LRRC8A: variants seen among roughly 807,000 people sequenced by gnomAD.
The protein encoded by LRRC8A is leucine rich repeat containing 8 VRAC subunit A.
Under a neutral mutation model 52.5 loss-of-function variants are expected in LRRC8A, and 24 were observed. The ratio of observed to expected loss-of-function variants is 0.46; its 90% CI spans 0.33 to 0.64. The LOEUF (loss-of-function observed/expected upper bound fraction) is 0.64. LRRC8A is among the 30% of genes least tolerant of loss of function. The pLI is 0.02. For missense variants in LRRC8A, 677 were observed against 1,094.7 expected, an observed-to-expected ratio of 0.62 and a Z score of 5.38; for synonymous variants, 492 against 494.2, an observed-to-expected ratio of 1.00 and a Z score of 0.06.
Position 128,907,131 on chromosome 9 carries a change from AC to A in LRRC8A, c.-8-20del, listed in dbSNP as rs759080682. ...AGGAAAGCCAGGCCACCCTGTGCTA[AC>A]CCCCCTCCTATGGCTCCCTTTTAGG... is the stretch of plus-strand genomic sequence containing the variant. On this transcript the variant is annotated intron_variant, in intron 2 of 3. Coordinates refer to ENST00000372600, the MANE Select transcript of LRRC8A (RefSeq NM_019594.4). This position sits in a 1 kb window ranked among gnomAD's most constrained non-coding sequence, Gnocchi z 9.3. The A allele has an allele frequency of 1.9e-6, 3 of 1,572,908 alleles. No individual in the cohort carries two copies. The highest frequency in any genetic ancestry group is 1.1e-5 in the South Asian group (1 of 87,552).
At position 128,908,355 on chromosome 9, in the gene LRRC8A, G is replaced by C; in HGVS notation, c.1191G>C (p.Val397=). The change falls in exon 3 of 4, where the codon GTG becomes GTC. Residue 397 remains valine, a synonymous_variant. Transcript: ENST00000372600. ...SKRFAVFLSE[V]SENKLRQLNL... ...GCTTCGCCGTCTTCCTGTCGGAGGT[G>C]AGTGAGAACAAGCTGCGGCAGCTGA... The C allele has an allele frequency of 6.2e-7, 1 of 1,614,068 alleles. No individual in the cohort carries two copies. The highest frequency in any genetic ancestry group is 8.5e-7 in the Non-Finnish European group (1 of 1,180,044).
At position 128,908,032 on chromosome 9, in the gene LRRC8A, A is replaced by C; in HGVS notation, c.868A>C (p.Lys290Gln). ...CYTVYYVHNIKFDVDCTVDIE... is the reference protein window; with the variant it reads ...CYTVYYVHNIQFDVDCTVDIE... ...CACCGTCTACTACGTGCACAACATC[A>C]AGTTCGACGTGGACTGCACCGTGGA... The change falls in exon 3 of 4, where the codon AAG becomes CAG. Residue 290 changes from lysine (K) to glutamine (Q), a missense_variant. By Grantham distance (53) the Lys-to-Gln change is moderately conservative (BLOSUM62 1). Coordinates refer to ENST00000372600, the MANE Select transcript of LRRC8A (RefSeq NM_019594.4). 1 of 1,613,932 alleles carries C rather than the reference A, an allele frequency of 6.2e-7. No individual in the cohort carries two copies.
chr9:128,915,981 G>A lies in LRRC8A; in HGVS notation c.2158-115G>A. The A allele has an allele frequency of 3.1e-6, 4 of 1,287,826 alleles. 2 individuals carry two copies. The Admixed American group carries it at 8.8e-5, about 28-fold the overall frequency. The allele number at this position is 1,287,826 out of a possible 1,614,324, so 79.8% of individuals were successfully genotyped here. The stretch of plus-strand genomic sequence containing the variant: ...TTTGGCCCAGATTGTGCTGATGCTG[G>A]GGGCCTGGGGATCAGAAAAGATGCT... On this transcript the variant is annotated intron_variant, in intron 3 of 3. Coordinates refer to ENST00000372600, the MANE Select transcript of LRRC8A (RefSeq NM_019594.4).
intron 2 of LRRC8A, among the ~76,000 whole-genome samples, chr9:128,903,848 C>T (rs1840128757): frequency 6.6e-6 from 1 of 151,962 alleles, no homozygotes; most frequent in South Asian, 2.1e-4. Context: ...GCCAACATGG[C>T]AAAACACCGT....
intron 2 of LRRC8A, among the ~76,000 whole-genome samples, chr9:128,897,118 C>T (rs998424356): frequency 1.3e-5 from 2 of 152,122 alleles, no homozygotes; most frequent in South Asian, 2.1e-4. Context: ...TTATGTCTTT[C>T]GATGTATGCT....
intron 3 of LRRC8A, among the ~76,000 whole-genome samples, chr9:128,914,052 A>G (rs1296365162): frequency 6.6e-6 from 1 of 152,090 alleles, no homozygotes; most frequent in Non-Finnish European, 1.5e-5. Context: ...AAACAATACA[A>G]AAATTAGCCG....
Position 128,907,460 on chromosome 9 carries a change from A to G in LRRC8A, c.296A>G (p.Tyr99Cys). Residue 99 changes from tyrosine (Y) to cysteine (C), a missense_variant, in exon 3 of 4, where the codon TAT becomes TGT. Physicochemically the swap from Tyr to Cys is radical, Grantham distance 194. This residue lies in a region of LRRC8A where 54 missense variants were observed against 49.7 expected (regional missense o/e 1.09). Coordinates refer to ENST00000372600, the MANE Select transcript of LRRC8A (RefSeq NM_019594.4). This position sits in a 1 kb window ranked among gnomAD's most constrained non-coding sequence, Gnocchi z 9.3. ...TPDTGPTGIK[Y>C]DLDRHQYNYV... Reference sequence around the variant, plus strand: ...GACACGGGCCCCACAGGCATCAAGTATGACCTGGACCGGCACCAGTACAAC... The same window carrying G: ...GACACGGGCCCCACAGGCATCAAGTGTGACCTGGACCGGCACCAGTACAAC... The G allele has an allele frequency of 6.2e-7, 1 of 1,613,890 alleles. No individual in the cohort carries two copies. Among genetic ancestry groups the G allele is most frequent in the Non-Finnish European group, 8.5e-7 (1 of 1,180,024 alleles).
chr9:128,908,262 C>T lies in LRRC8A; in HGVS notation c.1098C>T (p.Pro366=), dbSNP rs781527051. ...AGGAGAGCAGCTACAGCGACATCCC[C>T]GACGTCAAGAACGACTTCGCCTTCA... The part of the protein sequence containing the change: ...IREESSYSDI[P]DVKNDFAFML... The change falls in exon 3 of 4, where the codon CCC becomes CCT. Residue 366 remains proline (P), a synonymous_variant. Transcript: ENST00000372600. 1.9e-5 allele frequency: 31 copies of T among 1,614,008 alleles called. No individual in the cohort carries two copies. The highest frequency in any genetic ancestry group is 1.0e-4 in the Admixed American group (6 of 59,986).
intron 3 of LRRC8A, among the ~76,000 whole-genome samples, chr9:128,910,471 T>C (rs1225696573): frequency 6.6e-6 from 1 of 152,222 alleles, no homozygotes; most frequent in East Asian, 1.9e-4. Flanking sequence ...GGTGGGGCGG[T>C]CACTTGAGCT....
In LRRC8A at chr9:128,909,332, C is replaced by T. The variant is rs11999754; in HGVS notation, c.2157+11C>T. ...ATCACGGCCAACCGGGTGAGTGGCCCGGCCACAGCTCTGCGTGTGGGCTGG... is the reference window on the plus strand; with the variant it reads ...ATCACGGCCAACCGGGTGAGTGGCCTGGCCACAGCTCTGCGTGTGGGCTGG... On this transcript the variant is annotated intron_variant, in intron 3 of 3. Transcript: ENST00000372600. 2.8e-3 allele frequency: 4,516 copies of T among 1,609,202 alleles called. 59 individuals carry two copies. In the African/African-American group the frequency reaches 0.042, roughly 15 times the overall value.
At position 128,916,236 on chromosome 9, in the gene LRRC8A, G is replaced by A; in HGVS notation, c.2298G>A (p.Leu766=). ...LTQIELRGNR[L]ECLPVELGEC... Reference sequence around the variant, plus strand: ...AGATCGAGCTGCGGGGCAACCGGCTGGAGTGCCTGCCTGTGGAGCTGGGCG... The same window carrying A: ...AGATCGAGCTGCGGGGCAACCGGCTAGAGTGCCTGCCTGTGGAGCTGGGCG... Residue 766 remains leucine (L), a synonymous_variant, in exon 4 of 4, where the codon CTG becomes CTA. Transcript: ENST00000372600. This position sits in a 1 kb window ranked among gnomAD's most constrained non-coding sequence, Gnocchi z 6.1. 1.2e-6 allele frequency: 2 copies of A among 1,613,782 alleles called. No homozygotes were observed. The highest frequency in any genetic ancestry group is 1.7e-6 in the Non-Finnish European group (2 of 1,179,982).
Position 128,908,721 on chromosome 9 carries a change from G to A in LRRC8A, c.1557G>A (p.Glu519=). ...GGATCTATAGCCTGAAGACACTGGA[G>A]GAGCTGCACCTGACGGGCAACCTGA... is the stretch of plus-strand genomic sequence containing the variant. ...PLWIYSLKTL[E]ELHLTGNLSA... Residue 519 remains glutamate, a synonymous_variant, in exon 3 of 4, where the codon GAG becomes GAA. Transcript: ENST00000372600. The A allele has an allele frequency of 6.2e-7, 1 of 1,613,162 alleles. No homozygotes were observed. The highest frequency in any genetic ancestry group is 1.3e-5 in the African/African-American group (1 of 75,080).
In LRRC8A at chr9:128,907,295, C is replaced by T. The variant is rs746664471; in HGVS notation, c.131C>T (p.Thr44Met). Residue 44 changes from threonine (T) to methionine (M), a missense_variant, in exon 3 of 4, where the codon ACG becomes ATG. Coordinates refer to ENST00000372600, the MANE Select transcript of LRRC8A (RefSeq NM_019594.4). This position sits in a 1 kb window ranked among gnomAD's most constrained non-coding sequence, Gnocchi z 9.3. Reference sequence around the variant, plus strand: ...CTGATGATTGCCGTCTTCGGGGGGACGCTGCAGGTCACCCAAGACAAGATG... The same window carrying T: ...CTGATGATTGCCGTCTTCGGGGGGATGCTGCAGGTCACCCAAGACAAGATG... Reference protein sequence around the residue: ...VMLMIAVFGGTLQVTQDKMIC... With the variant: ...VMLMIAVFGGMLQVTQDKMIC... The T allele has an allele frequency of 1.9e-6, 3 of 1,614,030 alleles. No individual in the cohort carries two copies. The highest frequency in any genetic ancestry group is 1.7e-6 in the Non-Finnish European group (2 of 1,180,028).
intron 1 of LRRC8A, among the ~76,000 whole-genome samples, chr9:128,883,609 T>C (rs764764148): frequency 6.6e-6 from 1 of 152,212 alleles, no homozygotes; most frequent in Non-Finnish European, 1.5e-5. Context: ...TCTGCTTCCT[T>C]GTTTTCCTGG....
intron 2 of LRRC8A, among the ~76,000 whole-genome samples, chr9:128,905,950 G>T (rs895032030): frequency 1.3e-5 from 2 of 152,112 alleles, no homozygotes; most frequent in Non-Finnish European, 2.9e-5. Context: ...TTATACACAC[G>T]CAACCAGAGA....
chr9:128,893,237 G>A (rs1839694858), intron 2 of LRRC8A, among the ~76,000 whole-genome samples: 1 of 152,106 alleles, frequency 6.6e-6, no homozygotes, highest in African/African-American at 2.4e-5. Context: ...GTGGGTCTCT[G>A]AGTGGTCTGG....
chr9:128,903,887 A>T (rs1840130389), intron 2 of LRRC8A, among the ~76,000 whole-genome samples: 1 of 151,960 alleles, frequency 6.6e-6, no homozygotes, highest in Admixed American at 6.5e-5. Context: ...AATTAGCTGG[A>T]TGTGGTGGCG....
Position 128,908,265 on chromosome 9 carries a change from C to T in LRRC8A, c.1101C>T (p.Asp367=), listed in dbSNP as rs754597107. The stretch of plus-strand genomic sequence containing the variant: ...AGAGCAGCTACAGCGACATCCCCGA[C>T]GTCAAGAACGACTTCGCCTTCATGC... ...REESSYSDIP[D]VKNDFAFMLH... Residue 367 remains aspartate, a synonymous_variant, in exon 3 of 4, where the codon GAC becomes GAT. Transcript: ENST00000372600. 4.3e-6 allele frequency: 7 copies of T among 1,614,044 alleles called. No homozygotes were observed. The highest frequency in any genetic ancestry group is 1.3e-5 in the African/African-American group (1 of 74,932).
intron 3 of LRRC8A, chr9:128,912,730 A>C (rs960399057): frequency 1.3e-5 from 2 of 152,142 alleles, no homozygotes; most frequent in African/African-American, 4.8e-5. Flanking sequence ...GGGTGGGGTG[A>C]GTGAGAGGTG....
Sources: allele counts gnomAD v4.1 joint callset (sites outside exome capture counted in the v4.1 genomes callset), GRCh38; gene constraint gnomAD v4.1.1; regional missense constraint gnomAD v4.1.1; non-coding constraint Gnocchi (gnomAD v3.1); transcripts MANE v1.5; gene names NCBI Gene and HGNC (gene_info 2026-07-23, HGNC 2026-07-21).